The following RNF185 variants were observed in gnomAD, a reference collection of about 807,000 sequenced individuals.
RNF185 encodes ring finger protein 185.
In RNF185, 13 loss-of-function variants were observed where a neutral mutation model predicts 24.9. The observed-to-expected ratio is 0.52, with a 90% CI of 0.34 to 0.83. The LOEUF is 0.83. RNF185 is among the 40% of genes least tolerant of loss of function. The probability of loss-of-function intolerance (pLI) is 0.01; values close to 1 mark genes in which losing one functional copy is unlikely to be tolerated. For synonymous variants in RNF185, 79 were observed against 90.3 expected, an observed-to-expected ratio of 0.88 and a Z score of 0.71; for missense variants, 184 against 244.7, an observed-to-expected ratio of 0.75 and a Z score of 1.65.
chr22:31,191,456 C>T (rs917406080), intron 2 of RNF185, among the ~76,000 whole-genome samples: 2 of 152,172 alleles, frequency 1.3e-5, no homozygotes, highest in Admixed American at 1.3e-4. Context: ...GTACAGAAGC[C>T]ATGCCTGCAT....
At chr22:31,172,387 T>C (rs1037681217) in intron 1 of RNF185, among the ~76,000 whole-genome samples, 4 of 151,996 alleles carry the variant, frequency 2.6e-5, no homozygotes, top group African/African-American at 9.6e-5. Flanking sequence ...ATTCAGAATA[T>C]TAATCTTACT....
In RNF185 at chr22:31,192,801, G is replaced by A. The variant is rs1475511524; in HGVS notation, c.195+99G>A. The A allele has an allele frequency of 3.5e-5, 39 of 1,101,114 alleles. No homozygotes were observed. The Admixed American group carries it at 6.8e-4, about 19-fold the overall frequency. 68.2% of individuals were successfully genotyped at this position (1,101,114 alleles called of 1,614,324 possible). On this transcript the variant is annotated intron_variant, in intron 3 of 6. Transcript: ENST00000326132. ...GCTTTCAGAAGCTGCAATCTGCCCT[G>A]CTTGTGGGCTCATTTGCTTACTTAC...
intron 5 of RNF185, among the ~76,000 whole-genome samples, chr22:31,197,492 G>T (rs1474970561): frequency 1.3e-5 from 2 of 152,102 alleles, no homozygotes; most frequent in Non-Finnish European, 2.9e-5. Flanking sequence ...GACATTAGCG[G>T]CTTTCTTTTT....
In RNF185 at chr22:31,160,226, C is replaced by T. The variant is rs1053755966; in HGVS notation, c.-126C>T. On this transcript the variant is annotated 5_prime_UTR_variant, in exon 1 of 7. Transcript: ENST00000326132. Reference sequence around the variant, plus strand: ...AGGAGGGGTCGGAGGTCTTACCCAACAGATTGACGCGGCGTTAGTATTGGC... The same window carrying T: ...AGGAGGGGTCGGAGGTCTTACCCAATAGATTGACGCGGCGTTAGTATTGGC... 24 of 152,328 alleles carry T rather than the reference C, an allele frequency of 1.6e-4. No homozygotes were observed. The highest frequency in any genetic ancestry group is 3.9e-4 in the Admixed American group (6 of 15,230). The allele number at this position is 152,328 out of a possible 1,614,324, so 9.4% of individuals were successfully genotyped here. A position where few individuals can be genotyped will look rare whatever the true frequency, so the allele number is the denominator to read the frequency against.
chr22:31,174,533 C>T (rs1226067260), intron 1 of RNF185, among the ~76,000 whole-genome samples: 1 of 152,070 alleles, frequency 6.6e-6, no homozygotes, highest in Non-Finnish European at 1.5e-5. Flanking sequence ...GCACACGCCA[C>T]CATACCTGGC....
chr22:31,201,420 T>G, intron 5 of RNF185, 78 bp from the exon 6 acceptor site: 279 of 989,062 alleles, frequency 2.8e-4, no homozygotes, highest in Non-Finnish European at 4.1e-4. Context: ...CAAGACAACG[T>G]GAGGTATGTT....
rs368870324 is a variant in RNF185 at position 31,188,480 on chromosome 22, CT to C, written c.176+1211del. Among the ~76,000 whole-genome samples, 904 of 152,246 alleles carry C rather than the reference CT, an allele frequency of 5.9e-3. 7 individuals carry two copies. Among genetic ancestry groups the C allele is most frequent in the African/African-American group, 0.021 (866 of 41,542 alleles). ...TTAAGAATTCAAAGACAGGATACCCCTGATTTGATTATGTGAATGTATCAAA... is the reference window on the plus strand; with the variant it reads ...TTAAGAATTCAAAGACAGGATACCCCGATTTGATTATGTGAATGTATCAAA... On this transcript the variant is annotated intron_variant, in intron 2 of 6. Transcript: ENST00000326132.
rs970813098 is a variant in RNF185 at position 31,166,622 on chromosome 22, C to T, written c.-49+6319C>T. ...CTTCCCTTCCCCTCCTCCTCCTCCT[C>T]CTTCTTCTTCTTCTTCTTCCTCTTC... On this transcript the variant is annotated intron_variant, in intron 1 of 6. Coordinates refer to ENST00000326132, the MANE Select transcript of RNF185 (RefSeq NM_152267.4). Among the ~76,000 whole-genome samples the T allele has an allele frequency of 9.4e-5, 14 of 149,524 alleles. No homozygotes were observed. The South Asian group carries it at 1.7e-3, about 18-fold the overall frequency.
At chr22:31,197,325 CTT>C (rs1276849842) in intron 5 of RNF185, among the ~76,000 whole-genome samples, 2 of 152,084 alleles carry the variant, frequency 1.3e-5, no homozygotes, top group East Asian at 3.9e-4. Context: ...GTAACCCTCT[CTT>C]AAAATTTCAT....
intron 1 of RNF185, among the ~76,000 whole-genome samples, chr22:31,163,348 G>C (rs145490736): frequency 0.011 from 1,681 of 150,292 alleles, 25 homozygotes; most frequent in Non-Finnish European, 0.013. Flanking sequence ...TTTTTTTTGA[G>C]ACAGTGACTC....
chr22:31,162,195 G>A (rs1050096832), intron 1 of RNF185, among the ~76,000 whole-genome samples: 2 of 152,100 alleles, frequency 1.3e-5, no homozygotes, highest in African/African-American at 4.8e-5. Context: ...TTGCTCCCCC[G>A]CCGCCACAAA....
At chr22:31,169,295 T>G (rs1351164878) in intron 1 of RNF185, among the ~76,000 whole-genome samples, 1 of 152,236 alleles carries the variant, frequency 6.6e-6, no homozygotes, top group Non-Finnish European at 1.5e-5. Context: ...GATATATGAT[T>G]TGCAAATATT....
intron 1 of RNF185, among the ~76,000 whole-genome samples, chr22:31,180,909 CTCTCTCTGTG>C (rs765560179): frequency 0.037 from 4,782 of 128,550 alleles, 51 homozygotes; most frequent in Non-Finnish European, 0.044. Flanking sequence ...CATTTTCTCT[CTCTCTCTGTG>C]TGTGTGTGTG....
At chr22:31,185,654 TTC>T (rs2048091773) in intron 1 of RNF185, among the ~76,000 whole-genome samples, 1 of 152,338 alleles carries the variant, frequency 6.6e-6, no homozygotes, top group East Asian at 1.9e-4. Context: ...AGGCCTCCAC[TTC>T]TCTGACTGTG....
chr22:31,186,626 G>A (rs1216885429), intron 1 of RNF185, among the ~76,000 whole-genome samples: 1 of 152,088 alleles, frequency 6.6e-6, no homozygotes, highest in Non-Finnish European at 1.5e-5. Context: ...ATATGTTCTG[G>A]CATATGACAA....
At chr22:31,162,401 G>A (rs2147913359) in intron 1 of RNF185, among the ~76,000 whole-genome samples, 1 of 152,236 alleles carries the variant, frequency 6.6e-6, no homozygotes, top group South Asian at 2.1e-4. Context: ...ATTCTCATAA[G>A]TATGTTCTTC....
rs751520606 is a variant in RNF185 at position 31,201,570 on chromosome 22, A to T, written c.436A>T (p.Ile146Leu). Reference sequence around the variant, plus strand: ...TGGAATTGGGGCATTTCCCTTTGGGATATTTGCCACAGCATTTAATATAAA... The same window carrying T: ...TGGAATTGGGGCATTTCCCTTTGGGTTATTTGCCACAGCATTTAATATAAA... ...SFGIGAFPFG[I>L]FATAFNINDG... is the part of the protein sequence containing the mutation. The change falls in exon 6 of 7, where the codon ATA becomes TTA. Residue 146 changes from isoleucine (I) to leucine (L), a missense_variant. By Grantham distance (5) the Ile-to-Leu change is conservative (BLOSUM62 2). Transcript: ENST00000326132. The T allele has an allele frequency of 6.2e-7, 1 of 1,612,306 alleles. No individual in the cohort carries two copies. Among genetic ancestry groups the T allele is most frequent in the East Asian group, 2.2e-5 (1 of 44,894 alleles).
At chr22:31,202,356 G>A (rs1384076977) in intron 6 of RNF185, among the ~76,000 whole-genome samples, 1 of 152,114 alleles carries the variant, frequency 6.6e-6, no homozygotes, top group African/African-American at 2.4e-5. Flanking sequence ...GCCTGCACTT[G>A]TTGGAGCTTC....
intron 5 of RNF185, among the ~76,000 whole-genome samples, chr22:31,198,700 C>CTTCCTTTTTTT (rs2048231798): frequency 9.9e-6 from 1 of 100,520 alleles, no homozygotes; most frequent in African/African-American, 3.7e-5. Flanking sequence ...CGCACTGCCA[C>CTTCCTTTTTTT]TTTCTTTTTT....
Sources: gnomAD v4.1 joint callset for allele counts (sites outside exome capture counted in the v4.1 genomes callset) on GRCh38, gnomAD v4.1.1 for gene constraint, MANE v1.5 for transcripts, NCBI Gene and HGNC (gene_info 2026-07-23, HGNC 2026-07-21) for gene names.